SLC38A4: variants seen among roughly 807,000 people sequenced by gnomAD.
SLC38A4 encodes the protein sodium-coupled neutral amino acid transporter 4.
SLC38A4 carries 20 observed loss-of-function variants against 63.1 expected under a neutral mutation model. The observed-to-expected ratio is 0.32, with a 90% CI of 0.22 to 0.46. The LOEUF is 0.46. SLC38A4 is among the 20% of genes least tolerant of loss of function. SLC38A4 has a pLI of 1.00. For synonymous variants in SLC38A4, 230 were observed against 225.5 expected (o/e 1.02, Z -0.18); for missense variants, 526 against 663.6 (o/e 0.79, Z 2.28).
intron 1 of SLC38A4, among the ~76,000 whole-genome samples, chr12:46,806,654 T>C (rs886280718): frequency 6.6e-6 from 1 of 152,072 alleles, no homozygotes; most frequent in East Asian, 1.9e-4. Flanking sequence ...GATCATTTTA[T>C]GAAAAACAAG....
intron 1 of SLC38A4, among the ~76,000 whole-genome samples, chr12:46,815,479 A>C (rs1176855730): frequency 6.6e-6 from 1 of 151,538 alleles, no homozygotes; most frequent in Non-Finnish European, 1.5e-5. Context: ...TAAAGAAGGC[A>C]TGTGTCTAGT....
chr12:46,816,759 C>CACATGTATTCACAT (rs1565678396), intron 1 of SLC38A4, among the ~76,000 whole-genome samples: 2 of 151,704 alleles, frequency 1.3e-5, no homozygotes, highest in Non-Finnish European at 2.9e-5. Context: ...GGCTACTGAA[C>CACATGTATTCACAT]GGTTTTCTAA....
intron 1 of SLC38A4, among the ~76,000 whole-genome samples, chr12:46,807,243 G>C (rs1939251951): frequency 6.6e-6 from 1 of 151,826 alleles, no homozygotes; most frequent in South Asian, 2.1e-4. Context: ...GCTTTTCTTT[G>C]CTCTCACTTC....
chr12:46,775,926 T>G (rs1336838829), intron 13 of SLC38A4, among the ~76,000 whole-genome samples: 2 of 151,956 alleles, frequency 1.3e-5, no homozygotes, highest in African/African-American at 4.8e-5. Flanking sequence ...ATACCTTCAG[T>G]AGTATTGACC....
intron 1 of SLC38A4, among the ~76,000 whole-genome samples, chr12:46,823,796 G>A (rs1051407381): frequency 6.6e-6 from 1 of 152,306 alleles, no homozygotes; most frequent in African/African-American, 2.4e-5. Context: ...GCTGAAGGGA[G>A]GGATTTAGCC....
Position 46,765,122 on chromosome 12 carries a change from C to T in SLC38A4, c.*1579G>A, listed in dbSNP as rs1449991334. The T allele has an allele frequency of 4.6e-5, 7 of 152,326 alleles. No homozygotes were observed. Among genetic ancestry groups the T allele is most frequent in the Admixed American group, 1.3e-4 (2 of 15,238 alleles). The allele number at this position is 152,326 out of a possible 1,614,324, so 9.4% of individuals were successfully genotyped here. ...GCAGATTTTTTTCAAATAATAGTAG[C>T]TCAAAAGTACGTGTATGATACTTGT... On this transcript the variant is annotated 3_prime_UTR_variant, in exon 17 of 17. Coordinates refer to ENST00000266579, the MANE Select transcript of SLC38A4 (RefSeq NM_018018.5).
chr12:46,819,696 G>A (rs927192936), intron 1 of SLC38A4, among the ~76,000 whole-genome samples: 1 of 151,812 alleles, frequency 6.6e-6, no homozygotes, highest in Non-Finnish European at 1.5e-5. Context: ...ATTGATTATT[G>A]TTGAAACCAA....
At chr12:46,779,568 C>T in intron 10 of SLC38A4, 43 bp downstream of exon 10, 1 of 1,532,792 alleles carries the variant, frequency 6.5e-7, no homozygotes, top group Non-Finnish European at 8.8e-7. Flanking sequence ...CAAAAAAACT[C>T]ATGCTAACCA....
intron 7 of SLC38A4, among the ~76,000 whole-genome samples, chr12:46,781,786 G>A (rs77250098): frequency 6.6e-6 from 1 of 151,966 alleles, no homozygotes; most frequent in African/African-American, 2.4e-5. Context: ...AAGCGTAGTA[G>A]TGGCTATGCT....
chr12:46,822,143 A>G (rs1939562556), intron 1 of SLC38A4, among the ~76,000 whole-genome samples: 1 of 152,132 alleles, frequency 6.6e-6, no homozygotes, highest in Admixed American at 6.6e-5. Flanking sequence ...TGTATGCACC[A>G]CACCCCTTAA....
At chr12:46,769,506 C>T (rs1441250760) in intron 14 of SLC38A4, 78 bp from the exon 15 acceptor site, 4 of 1,451,926 alleles carry the variant, frequency 2.8e-6, no homozygotes, top group Non-Finnish European at 3.7e-6. Flanking sequence ...TCTCATCACT[C>T]TAATGCATTT....
At chr12:46,801,525 T>C (rs977780114) in intron 2 of SLC38A4, among the ~76,000 whole-genome samples, 1 of 152,090 alleles carries the variant, frequency 6.6e-6, no homozygotes. Context: ...GCTATCTGTC[T>C]CATCTTTCAT....
intron 14 of SLC38A4, among the ~76,000 whole-genome samples, chr12:46,772,366 G>A (rs1379105370): frequency 6.6e-6 from 1 of 152,040 alleles, no homozygotes; most frequent in Non-Finnish European, 1.5e-5. Flanking sequence ...CAAGTAGCTA[G>A]GGATCTTTTT....
chr12:46,806,196 A>G (rs1939229343), intron 1 of SLC38A4, among the ~76,000 whole-genome samples: 1 of 151,928 alleles, frequency 6.6e-6, no homozygotes, highest in Non-Finnish European at 1.5e-5. Context: ...GTTGGATTAA[A>G]ATTAAAAGCT....
In SLC38A4 at chr12:46,768,364, A is replaced by G. The variant is rs932910410; in HGVS notation, c.1488T>C (p.Val496=). ...CTTTCTTGACAAGTTTAAGATAAAA[A>G]ACTGCTGGAAGAATAAAAATCAGCA... The part of the protein sequence containing the change: ...ATMLIFILPA[V]FYLKLVKKET... Residue 496 remains valine, a synonymous_variant, in exon 16 of 17, where the codon GTT becomes GTC. Transcript: ENST00000266579. 1.3e-5 allele frequency: 21 copies of G among 1,611,584 alleles called. No individual in the cohort carries two copies. Among genetic ancestry groups the G allele is most frequent in the Non-Finnish European group, 1.7e-5 (20 of 1,178,590 alleles).
At chr12:46,774,780 C>CAG (rs1190572600) in intron 14 of SLC38A4, among the ~76,000 whole-genome samples, 1 of 151,970 alleles carries the variant, frequency 6.6e-6, no homozygotes, top group South Asian at 2.1e-4. Context: ...ATCCACAAGA[C>CAG]AGAAGCTCCA....
At chr12:46,817,827 T>C (rs1939471499) in intron 1 of SLC38A4, among the ~76,000 whole-genome samples, 1 of 151,966 alleles carries the variant, frequency 6.6e-6, no homozygotes, top group Admixed American at 6.6e-5. Context: ...ACTATGATTT[T>C]TGCATAGCTG....
rs901336426 is a variant in SLC38A4 at position 46,782,934 on chromosome 12, T to C, written c.493+1608A>G. On this transcript the variant is annotated intron_variant, in intron 7 of 16. Transcript: ENST00000266579. ...CTTTAGAAAACAGTAACATACTAGA[T>C]ACAAACAGGACCATGAGAGCCCAGA... Among the ~76,000 whole-genome samples, 11 of 143,034 alleles carry C rather than the reference T, an allele frequency of 7.7e-5. 1 individual carries two copies. The South Asian group carries it at 1.4e-3, about 18-fold the overall frequency. The allele number at this position is 143,034 out of a possible 152,430, so 93.8% of individuals were successfully genotyped here.
chr12:46,774,210 T>C (rs903998244), intron 14 of SLC38A4, among the ~76,000 whole-genome samples: 4 of 152,106 alleles, frequency 2.6e-5, no homozygotes, highest in African/African-American at 9.7e-5. Flanking sequence ...GTGACCACAG[T>C]GTCATTATAG....
Sources: allele counts gnomAD v4.1 joint callset (sites outside exome capture counted in the v4.1 genomes callset), GRCh38; gene constraint gnomAD v4.1.1; transcripts MANE v1.5; gene names NCBI Gene and HGNC (gene_info 2026-07-23, HGNC 2026-07-21).